Variants in ARMC2 observed in about 807,000 individuals in gnomAD.
ARMC2 encodes armadillo repeat-containing protein 2.
A neutral mutation model predicts 90.3 loss-of-function variants in ARMC2; 67 were observed. The ratio of observed to expected loss-of-function variants is 0.74; its 90% confidence interval spans 0.61 to 0.91. The LOEUF (loss-of-function observed/expected upper bound fraction) is 0.91. ARMC2 is among the 40% of genes least tolerant of loss of function. The pLI, the probability that ARMC2 is intolerant of heterozygous loss-of-function variation, is 0.00. For missense variants in ARMC2, 920 were observed against 1,030.9 expected (o/e 0.89, Z 1.47); for synonymous variants, 393 against 393.0 (o/e 1.00, Z 0.00).
At chr6:108,908,318 G>C (rs1393783901) in intron 8 of ARMC2, among the ~76,000 whole-genome samples, 2 of 152,202 alleles carry the variant, frequency 1.3e-5, no homozygotes, top group Non-Finnish European at 2.9e-5. Context: ...CCCACAGGCA[G>C]TGCTCCCCTC....
rs116563207 is a variant in ARMC2, at chr6:108,962,105, C to T, written c.2130C>T (p.Cys710=). ...ATCTCTCCCAGGACCATGATGTCTG[C>T]GATTTCATTGTGCAGAACAATGGTG... is the stretch of plus-strand genomic sequence containing the variant. ...FGNLSQDHDV[C]DFIVQNNVHR... Residue 710 remains cysteine (C), a synonymous_variant, in exon 15 of 18, where the codon TGC becomes TGT. Coordinates refer to ENST00000392644, the MANE Select transcript of ARMC2 (RefSeq NM_032131.6). The T allele has an allele frequency of 1.4e-4, 225 of 1,610,056 alleles. 1 individual carries two copies. In the African/African-American group the frequency reaches 2.6e-3, roughly 19 times the overall value.
intron 5 of ARMC2, among the ~76,000 whole-genome samples, chr6:108,877,071 C>T (rs1445004567): frequency 6.6e-6 from 1 of 152,188 alleles, no homozygotes; most frequent in Non-Finnish European, 1.5e-5. Flanking sequence ...CTCTGTTTTC[C>T]AGTCCCAGCC....
intron 11 of ARMC2, among the ~76,000 whole-genome samples, chr6:108,931,357 T>C (rs1775552626): frequency 6.6e-6 from 1 of 151,954 alleles, no homozygotes; most frequent in Non-Finnish European, 1.5e-5. Flanking sequence ...ATGTCTTTGC[T>C]ATTGTGAGTA....
At chr6:109,042,549 C>G in the ARMC2 span, among the ~76,000 whole-genome samples, 1 of 150,346 alleles carries the variant, frequency 6.7e-6, no homozygotes, top group Non-Finnish European at 1.5e-5. Context: ...AAAAACAAAC[C>G]TGCAAAGACC....
intron 5 of ARMC2, among the ~76,000 whole-genome samples, chr6:108,890,219 A>ACAAACAAAC (rs1583025475): frequency 1.9e-5 from 2 of 105,844 alleles, no homozygotes; most frequent in South Asian, 3.5e-4. Flanking sequence ...AAAAAAAAAA[A>ACAAACAAAC]AAAAAAAAAA....
At position 108,948,820 on chromosome 6, in the gene ARMC2, G is replaced by T. The variant is rs148713222; in HGVS notation, c.1597-4213G>T. 2.3e-4 allele frequency among the ~76,000 whole-genome samples: 35 copies of T among 152,210 alleles called. 1 individual carries two copies. The East Asian group carries it at 6.7e-3, about 29-fold the overall frequency. ...AGCAGCACTTAGTCTTCCCAGATTA[G>T]ACTGCATGTGACAGTGGGGAGAGGT... On this transcript the variant is annotated intron_variant, in intron 12 of 17. Coordinates refer to ENST00000392644, the MANE Select transcript of ARMC2 (RefSeq NM_032131.6).
chr6:109,014,565 A>G, the ARMC2 span, among the ~76,000 whole-genome samples: 1 of 152,228 alleles, frequency 6.6e-6, no homozygotes, highest in East Asian at 1.9e-4. Context: ...GAGGCAAGAA[A>G]AGAGGGTAGA....
Position 108,973,827 on chromosome 6 carries a change from A to G in ARMC2, c.*313A>G, listed in dbSNP as rs1450531453. ...TCTAGTCTTAAAATCTTGATTTAAC[A>G]ATTTTGGAATTGAAGTGTTCATAAG... On this transcript the variant is annotated 3_prime_UTR_variant, in exon 18 of 18. Transcript: ENST00000392644. 4.6e-6 allele frequency: 1 copy of G among 216,704 alleles called. No homozygotes were observed. Among genetic ancestry groups the G allele is most frequent in the Non-Finnish European group, 9.3e-6 (1 of 107,876 alleles). 13.4% of individuals were successfully genotyped at this position (216,704 alleles called of 1,614,324 possible).
downstream of ARMC2, among the ~76,000 whole-genome samples, chr6:108,978,830 T>C (rs1329407877): frequency 2.6e-5 from 4 of 152,130 alleles, no homozygotes; most frequent in African/African-American, 9.7e-5. Context: ...TGCTTTTTTT[T>C]TTTCTTTCTG....
intron 17 of ARMC2, among the ~76,000 whole-genome samples, chr6:108,967,863 C>G (rs543257678): frequency 1.3e-5 from 2 of 152,256 alleles, no homozygotes; most frequent in South Asian, 4.1e-4. Context: ...GCCTCTGTGC[C>G]TTTGCACATG....
Position 108,912,330 on chromosome 6 carries a change from G to T in ARMC2, c.1127-5G>T. Reference sequence around the variant, plus strand: ...GACATTTATAATAATTAATCTTTTTGACAGAATCATTATTGGAGGTACTAA... The same window carrying T: ...GACATTTATAATAATTAATCTTTTTTACAGAATCATTATTGGAGGTACTAA... On this transcript the variant is annotated splice_region_variant and splice_polypyrimidine_tract_variant and intron_variant, in intron 9 of 17. Transcript: ENST00000392644. The T allele has an allele frequency of 1.9e-6, 3 of 1,576,448 alleles. No individual in the cohort carries two copies. The South Asian group carries it at 3.5e-5, about 18-fold the overall frequency.
chr6:108,902,693 C>T, intron 7 of ARMC2, among the ~76,000 whole-genome samples: 1 of 152,170 alleles, frequency 6.6e-6, no homozygotes, highest in Non-Finnish European at 1.5e-5. Flanking sequence ...TCACTTCCTT[C>T]TGCAGGCACA....
chr6:108,924,869 T>A (rs904365930), intron 10 of ARMC2, among the ~76,000 whole-genome samples: 1 of 151,704 alleles, frequency 6.6e-6, no homozygotes, highest in Non-Finnish European at 1.5e-5. Context: ...GGGTAAGAGA[T>A]GAAGTGAGCT....
intron 16 of ARMC2, 128 bp downstream of exon 16, chr6:108,964,440 G>A (rs2128514670): frequency 1.8e-6 from 2 of 1,098,084 alleles, no homozygotes; most frequent in South Asian, 3.4e-5. Flanking sequence ...CCTAAGCTGA[G>A]GCTAAAGAGG....
chr6:108,972,015 T>C (rs893598071), intron 17 of ARMC2, among the ~76,000 whole-genome samples: 16 of 152,132 alleles, frequency 1.1e-4, no homozygotes, highest in Non-Finnish European at 2.1e-4. Context: ...TGGCCTCATG[T>C]CACAAATGTA....
chr6:108,866,152 A>G lies in ARMC2; in HGVS notation c.292-2672A>G, dbSNP rs565331001. 2.0e-5 allele frequency among the ~76,000 whole-genome samples: 3 copies of G among 152,322 alleles called. No individual in the cohort carries two copies. The South Asian group carries it at 6.2e-4, about 32-fold the overall frequency. On this transcript the variant is annotated intron_variant, in intron 3 of 17. Coordinates refer to ENST00000392644, the MANE Select transcript of ARMC2 (RefSeq NM_032131.6). ...TGTTTCAGTTTCAGGGTACCTGCAG[A>G]ATACAGACATTTTGAGTTAAGAAAA...
the ARMC2 span, among the ~76,000 whole-genome samples, chr6:108,983,797 T>C: frequency 6.6e-6 from 1 of 152,230 alleles, no homozygotes; most frequent in Non-Finnish European, 1.5e-5. Flanking sequence ...GGGATTTTGA[T>C]AGAGATTGCA....
At chr6:108,968,321 A>G (rs1265143719) in intron 17 of ARMC2, among the ~76,000 whole-genome samples, 1 of 152,200 alleles carries the variant, frequency 6.6e-6, no homozygotes, top group Non-Finnish European at 1.5e-5. Context: ...TCCCATCCGA[A>G]AACAAACAAC....
intron 7 of ARMC2, among the ~76,000 whole-genome samples, chr6:108,900,360 G>A (rs1583051460): frequency 6.6e-6 from 1 of 152,238 alleles, no homozygotes; most frequent in South Asian, 2.1e-4. Context: ...CCCTGCAAGG[G>A]TAGGGAAAGC....
Sources: allele counts gnomAD v4.1 joint callset (sites outside exome capture counted in the v4.1 genomes callset), GRCh38; gene constraint gnomAD v4.1.1; transcripts MANE v1.5; gene names NCBI Gene and HGNC (gene_info 2026-07-23, HGNC 2026-07-21).